Variants in ANKRD44 observed in about 807,000 individuals in gnomAD.
The protein encoded by ANKRD44 is ankyrin repeat domain 44.
A neutral mutation model predicts 116.0 loss-of-function variants in ANKRD44; 35 were observed. The ratio of observed to expected loss-of-function variants is 0.30; its 90% CI spans 0.23 to 0.40. ANKRD44 has a LOEUF of 0.40. Among genes scored for constraint, ANKRD44 ranks in the 10% least tolerant of loss-of-function variants. The probability of loss-of-function intolerance (pLI) is 1.00; values close to 1 mark genes in which losing one functional copy is unlikely to be tolerated. For missense variants in ANKRD44, 1,014 were observed against 1,242.6 expected, an observed-to-expected ratio of 0.82 and a Z score of 2.77; for synonymous variants, 435 against 461.8, an observed-to-expected ratio of 0.94 and a Z score of 0.74.
intron 21 of ANKRD44, among the ~76,000 whole-genome samples, chr2:196,968,435 A>G (rs892269547): frequency 2.6e-5 from 4 of 152,202 alleles, no homozygotes; most frequent in Non-Finnish European, 4.4e-5. Flanking sequence ...AGTGTATAAT[A>G]CAGTGACTAC....
Position 197,081,694 on chromosome 2 carries a change from A to G in ANKRD44, c.1489T>C (p.Ser497Pro), listed in dbSNP as rs572639484. The G allele has an allele frequency of 1.9e-6, 3 of 1,614,000 alleles. No individual in the cohort carries two copies. The Admixed American group carries it at 5.0e-5, about 27-fold the overall frequency. Residue 497 changes from serine (S) to proline (P), a missense_variant, in exon 15 of 28, where the codon TCA (serine) becomes CCA (proline). Physicochemically the swap from Ser to Pro is moderately conservative, Grantham distance 74. Transcript: ENST00000282272. ...KTILGNAHDN[S>P]EELERARELK... ...TCCCTGGCTCTTTCAAGTTCTTCTG[A>G]ATTATCATGGGCATTTCCTAAGATA...
At position 197,205,323 on chromosome 2, in the gene ANKRD44, C is replaced by T. The variant is rs182049172; in HGVS notation, c.28-18217G>A. 2.5e-3 allele frequency among the ~76,000 whole-genome samples: 387 copies of T among 152,290 alleles called. 3 individuals carry two copies. The highest frequency in any genetic ancestry group is 8.7e-3 in the African/African-American group (363 of 41,544). ...TATTCTGATCCATGGTTTTACCCAC[C>T]TGGCCAGTAAGGAAGGGAAGGAGGG... On this transcript the variant is annotated intron_variant, in intron 1 of 27. Coordinates refer to ENST00000282272, the MANE Select transcript of ANKRD44 (RefSeq NM_001195144.2).
At chr2:197,123,825 G>C (rs1353670579) in intron 6 of ANKRD44, among the ~76,000 whole-genome samples, 1 of 152,016 alleles carries the variant, frequency 6.6e-6, no homozygotes, top group Non-Finnish European at 1.5e-5. Context: ...ATTAAAATTT[G>C]ACTCTTTTCT....
intron 17 of ANKRD44, among the ~76,000 whole-genome samples, chr2:197,018,824 G>GT (rs1205350057): frequency 1.3e-5 from 2 of 152,092 alleles, no homozygotes; most frequent in Non-Finnish European, 2.9e-5. Context: ...TTTTTTGAGG[G>GT]TTTTTTATGT....
At chr2:197,055,992 T>C (rs558128922) in intron 16 of ANKRD44, among the ~76,000 whole-genome samples, 1 of 152,262 alleles carries the variant, frequency 6.6e-6, no homozygotes, top group South Asian at 2.1e-4. Flanking sequence ...TGGGCTCAAG[T>C]GATCCTCTCA....
intron 16 of ANKRD44, among the ~76,000 whole-genome samples, chr2:197,060,886 AGTCTCTGTGT>A (rs2077297752): frequency 6.6e-6 from 1 of 151,986 alleles, no homozygotes; most frequent in Non-Finnish European, 1.5e-5. Flanking sequence ...ATGACTTCCC[AGTCTCTGTGT>A]GTCTCTGTGT....
chr2:197,101,648 T>C lies in ANKRD44; in HGVS notation c.986-1718A>G, dbSNP rs560333142. Among the ~76,000 whole-genome samples the C allele has an allele frequency of 2.8e-4, 42 of 152,324 alleles. 1 individual carries two copies. The South Asian group carries it at 8.7e-3, about 32-fold the overall frequency. On this transcript the variant is annotated intron_variant, in intron 9 of 27. Coordinates refer to ENST00000282272, the MANE Select transcript of ANKRD44 (RefSeq NM_001195144.2). ...GATTATGTGGTTAAGGTGGTGTCTG[T>C]CAGTACACTTACTGCAAAAATATCT...
chr2:196,992,507 G>A (rs1383225526), intron 27 of ANKRD44, among the ~76,000 whole-genome samples: 1 of 152,172 alleles, frequency 6.6e-6, no homozygotes, highest in Non-Finnish European at 1.5e-5. Context: ...TTTACACCAG[G>A]AAAAGCAAAA....
chr2:197,170,429 T>C (rs2080205571), intron 2 of ANKRD44, among the ~76,000 whole-genome samples: 1 of 152,240 alleles, frequency 6.6e-6, no homozygotes, highest in Non-Finnish European at 1.5e-5. Flanking sequence ...AGACTTGTTC[T>C]GGACTCTGAG....
At chr2:197,164,153 G>T (rs1418850564) in intron 2 of ANKRD44, among the ~76,000 whole-genome samples, 1 of 152,230 alleles carries the variant, frequency 6.6e-6, no homozygotes, top group African/African-American at 2.4e-5. Flanking sequence ...ACCAGAGTTG[G>T]TGGGGAAGTT....
chr2:197,220,361 A>G (rs2081555304), intron 1 of ANKRD44, among the ~76,000 whole-genome samples: 1 of 152,240 alleles, frequency 6.6e-6, no homozygotes, highest in South Asian at 2.1e-4. Context: ...TCTTGGTATC[A>G]TAGTTGTTAG....
chr2:197,131,917 A>G (rs1484162022), intron 4 of ANKRD44, among the ~76,000 whole-genome samples: 1 of 152,256 alleles, frequency 6.6e-6, no homozygotes, highest in African/African-American at 2.4e-5. Flanking sequence ...CAAGAAAGAA[A>G]AGCAAAAAAA....
chr2:196,984,591 T>C (rs1347702663), downstream of ANKRD44, among the ~76,000 whole-genome samples: 1 of 152,212 alleles, frequency 6.6e-6, no homozygotes, highest in Non-Finnish European at 1.5e-5. Context: ...CCAAATGGAA[T>C]TAGCGTGAAG....
At chr2:197,090,974 T>C (rs1248794591) in intron 10 of ANKRD44, among the ~76,000 whole-genome samples, 1 of 152,214 alleles carries the variant, frequency 6.6e-6, no homozygotes, top group African/African-American at 2.4e-5. Flanking sequence ...CATCCTTCAA[T>C]TTGTTCATGA....
At chr2:197,119,813 C>A (rs2078809977) in intron 8 of ANKRD44, among the ~76,000 whole-genome samples, 1 of 152,178 alleles carries the variant, frequency 6.6e-6, no homozygotes, top group Non-Finnish European at 1.5e-5. Flanking sequence ...GGTCTCCTAG[C>A]ACAGCTAAGG....
intron 2 of ANKRD44, among the ~76,000 whole-genome samples, chr2:197,149,911 T>C (rs2125443910): frequency 6.6e-6 from 1 of 152,290 alleles, no homozygotes; most frequent in Non-Finnish European, 1.5e-5. Flanking sequence ...AGGGCGAAGG[T>C]TCTGGAGAAA....
intron 2 of ANKRD44, among the ~76,000 whole-genome samples, chr2:197,149,194 A>C (rs758447992): frequency 3.3e-5 from 5 of 152,182 alleles, no homozygotes; most frequent in Non-Finnish European, 5.9e-5. Flanking sequence ...GGTTTGGTTC[A>C]ACAAATTAAA....
intron 16 of ANKRD44, among the ~76,000 whole-genome samples, chr2:197,074,520 G>A (rs1164438050): frequency 3.3e-5 from 5 of 152,156 alleles, no homozygotes; most frequent in Non-Finnish European, 7.3e-5. Flanking sequence ...CACCCAGGCT[G>A]TACTGCAGTG....
At chr2:197,205,788 C>T (rs1183889312) in intron 1 of ANKRD44, among the ~76,000 whole-genome samples, 1 of 152,140 alleles carries the variant, frequency 6.6e-6, no homozygotes, top group Admixed American at 6.5e-5. Context: ...GACACCCAAC[C>T]CAGCCTTGTG....
Sources: allele counts gnomAD v4.1 joint callset (sites outside exome capture counted in the v4.1 genomes callset), GRCh38; gene constraint gnomAD v4.1.1; transcripts MANE v1.5; gene names NCBI Gene and HGNC (gene_info 2026-07-23, HGNC 2026-07-21).